Variants in CHRM3 observed in about 807,000 individuals in gnomAD.
The protein encoded by CHRM3 is cholinergic receptor muscarinic 3, also known as muscarinic acetylcholine receptor M3.
In CHRM3, 11 loss-of-function variants were observed where a neutral mutation model predicts 41.8. The observed-to-expected ratio is 0.26, with a 90% CI of 0.17 to 0.44. CHRM3 has a LOEUF of 0.44. Ranked by LOEUF, CHRM3 falls within the 20% of genes least tolerant of loss-of-function variation. The pLI is 1.00. For synonymous variants in CHRM3, 297 were observed against 301.4 expected (o/e 0.99, Z 0.15); for missense variants, 571 against 745.4 (o/e 0.77, Z 2.72).
intron 5 of CHRM3, among the ~76,000 whole-genome samples, chr1:239,775,557 A>T (rs1668024413): frequency 6.6e-6 from 1 of 152,222 alleles, no homozygotes; most frequent in South Asian, 2.1e-4. Context: ...TCTCAGTGCC[A>T]AGTAGCAGTT....
intron 1 of CHRM3, among the ~76,000 whole-genome samples, chr1:239,459,280 A>T (rs1442405711): frequency 6.6e-6 from 1 of 152,162 alleles, no homozygotes; most frequent in Non-Finnish European, 1.5e-5. Context: ...GAAAAAAAAC[A>T]TGTAAAAATC....
At chr1:239,654,989 C>G (rs1473844286) in intron 4 of CHRM3, among the ~76,000 whole-genome samples, 1 of 152,170 alleles carries the variant, frequency 6.6e-6, no homozygotes, top group African/African-American at 2.4e-5. Flanking sequence ...AATAATTCAT[C>G]TGCTACTGGA....
rs189635528 is a variant in CHRM3, at chr1:239,832,348, T to G, written c.-20+4970T>G. 6.0e-4 allele frequency among the ~76,000 whole-genome samples: 91 copies of G among 152,300 alleles called. 1 individual carries two copies. Among genetic ancestry groups the G allele is most frequent in the African/African-American group, 1.9e-3 (80 of 41,558 alleles). On this transcript the variant is annotated intron_variant, in intron 6 of 6. Transcript: ENST00000676153. ...TGCTGCCATTAAGCACATCTGTATT[T>G]CCATGGCAAATTGTTCAACTTTGAA...
At chr1:239,754,105 T>C (rs945459721) in intron 5 of CHRM3, among the ~76,000 whole-genome samples, 1 of 152,246 alleles carries the variant, frequency 6.6e-6, no homozygotes, top group African/African-American at 2.4e-5. Context: ...AGGGAGCTTA[T>C]ACTTTAAGGC....
At chr1:239,679,187 ATATTAT>A (rs1447116064) in intron 5 of CHRM3, among the ~76,000 whole-genome samples, 1 of 152,206 alleles carries the variant, frequency 6.6e-6, no homozygotes, top group African/African-American at 2.4e-5. Flanking sequence ...ACTTTTTAAA[ATATTAT>A]TAAAAATATA....
intron 5 of CHRM3, among the ~76,000 whole-genome samples, chr1:239,718,324 A>G (rs1026366031): frequency 3.3e-5 from 5 of 152,032 alleles, no homozygotes; most frequent in Non-Finnish European, 5.9e-5. Context: ...TGTCTTAGAG[A>G]CCAAGGTTTA....
chr1:239,552,651 T>TTA (rs920626342), intron 3 of CHRM3, among the ~76,000 whole-genome samples: 3 of 147,078 alleles, frequency 2.0e-5, no homozygotes, highest in Non-Finnish European at 3.0e-5. Context: ...ATTATTATTA[T>TTA]TATTATTATT....
intron 1 of CHRM3, among the ~76,000 whole-genome samples, chr1:239,435,863 A>G (rs866078621): frequency 6.6e-6 from 1 of 152,116 alleles, no homozygotes; most frequent in Non-Finnish European, 1.5e-5. Flanking sequence ...CAATGTTAGG[A>G]GGATCACATT....
At position 239,837,777 on chromosome 1, in the gene CHRM3, G is replaced by A. The variant is rs565177789; in HGVS notation, c.-20+10399G>A. 1.0e-3 allele frequency among the ~76,000 whole-genome samples: 156 copies of A among 152,290 alleles called. 1 individual carries two copies. The highest frequency in any genetic ancestry group is 3.5e-3 in the African/African-American group (144 of 41,560). ...AATCTCCTGAAGAGAGTTAGAGTTT[G>A]ATATTCTCCTATCTTAACCACTGAG... On this transcript the variant is annotated intron_variant, in intron 6 of 6. Transcript: ENST00000676153.
At chr1:239,517,034 T>G (rs1001443567) in intron 2 of CHRM3, among the ~76,000 whole-genome samples, 1 of 152,118 alleles carries the variant, frequency 6.6e-6, no homozygotes, top group African/African-American at 2.4e-5. Context: ...TTGTATAATT[T>G]TTTCCTTCTA....
At chr1:239,510,190 A>G (rs1003896366) in intron 2 of CHRM3, among the ~76,000 whole-genome samples, 1 of 152,214 alleles carries the variant, frequency 6.6e-6, no homozygotes, top group Admixed American at 6.5e-5. Context: ...TTTAAGATTG[A>G]TTCTCCAGTA....
chr1:239,436,240 A>G (rs1663256436), intron 1 of CHRM3, among the ~76,000 whole-genome samples: 2 of 152,268 alleles, frequency 1.3e-5, no homozygotes, highest in South Asian at 4.1e-4. Context: ...TAAACATATT[A>G]ATTAAAAAGG....
chr1:239,572,568 ATGTT>A lies in CHRM3; in HGVS notation c.-313+26823_-313+26826del, dbSNP rs375262612. Among the ~76,000 whole-genome samples, 17 of 152,292 alleles carry A rather than the reference ATGTT, an allele frequency of 1.1e-4. 1 individual carries two copies. The highest frequency in any genetic ancestry group is 3.4e-3 in the Middle Eastern group (1 of 292). On this transcript the variant is annotated intron_variant, in intron 3 of 6. Transcript: ENST00000676153. ...TCATTAGCAATCAGCAAACTCATAA[ATGTT>A]TGTCCCCATTGCTCTTTGAAACTAG...
intron 6 of CHRM3, among the ~76,000 whole-genome samples, chr1:239,883,566 A>T (rs1677826357): frequency 6.6e-6 from 1 of 152,144 alleles, no homozygotes; most frequent in African/African-American, 2.4e-5. Flanking sequence ...CTACAACCCC[A>T]CACTTAGGTA....
chr1:239,648,462 G>A (rs6701925), intron 4 of CHRM3, among the ~76,000 whole-genome samples: 1 of 151,974 alleles, frequency 6.6e-6, no homozygotes, highest in Admixed American at 6.6e-5. Context: ...TATAACAAGA[G>A]AGTGTGGACA....
rs1663511805 is a variant in CHRM3, at chr1:239,439,211, C to T, written c.-521+51984C>T. On this transcript the variant is annotated intron_variant, in intron 1 of 6. Transcript: ENST00000676153. ...CAGTAAAAATACTTTGAAACATGGT[C>T]CTTAGGTTTGTATCCGATTAGAACC... 2.0e-5 allele frequency among the ~76,000 whole-genome samples: 3 copies of T among 152,094 alleles called. No homozygotes were observed. In the South Asian group the frequency reaches 6.2e-4, roughly 32 times the overall value.
At chr1:239,473,022 A>G (rs761162389) in intron 1 of CHRM3, among the ~76,000 whole-genome samples, 9 of 152,204 alleles carry the variant, frequency 5.9e-5, no homozygotes, top group Non-Finnish European at 8.8e-5. Flanking sequence ...ACAAATTAGC[A>G]TTTAAAAAGA....
At position 239,911,460 on chromosome 1, in the gene CHRM3, T is replaced by C. The variant is rs1680364849; in HGVS notation, c.*2236T>C. The C allele has an allele frequency of 6.0e-6, 1 of 166,940 alleles. No homozygotes were observed. Among genetic ancestry groups the C allele is most frequent in the Non-Finnish European group, 1.5e-5 (1 of 68,116 alleles). The allele number at this position is 166,940 out of a possible 1,614,324, so 10.3% of individuals were successfully genotyped here. ...CTGGCACTAATAAATATGTGAAAGC[T>C]TATTCAAGTGTCCCAGTACTTCAGC... On this transcript the variant is annotated 3_prime_UTR_variant, in exon 7 of 7. Coordinates refer to ENST00000676153, the MANE Select transcript of CHRM3 (RefSeq NM_001375978.1).
intron 6 of CHRM3, among the ~76,000 whole-genome samples, chr1:239,885,114 G>A (rs572660640): frequency 6.6e-6 from 1 of 152,160 alleles, no homozygotes; most frequent in Non-Finnish European, 1.5e-5. Context: ...TAACAAGCAG[G>A]TGCCTTAAAA....
Sources: gnomAD v4.1 joint callset for allele counts (sites outside exome capture counted in the v4.1 genomes callset) on GRCh38, gnomAD v4.1.1 for gene constraint, MANE v1.5 for transcripts, NCBI Gene and HGNC (gene_info 2026-07-23, HGNC 2026-07-21) for gene names.